NOL8: variants seen among roughly 807,000 people sequenced by gnomAD.
The protein encoded by NOL8 is nucleolar protein Nop132.
NOL8 carries 93 observed loss-of-function variants against 116.1 expected under a neutral mutation model. The ratio of observed to expected loss-of-function variants is 0.80; its 90% CI spans 0.68 to 0.95. The LOEUF (loss-of-function observed/expected upper bound fraction) is 0.95, where lower values mean the gene tolerates loss of function less well. NOL8 is among the 40% of genes least tolerant of loss of function. The pLI is 0.00. For missense variants in NOL8, 1,291 were observed against 1,382.8 expected, an observed-to-expected ratio of 0.93 and a Z score of 1.05; for synonymous variants, 419 against 469.0, an observed-to-expected ratio of 0.89 and a Z score of 1.38.
At chr9:92,310,959 G>T in intron 8 of NOL8, 187 bp downstream of exon 8, 1 of 585,386 alleles carries the variant, frequency 1.7e-6, no homozygotes, top group Non-Finnish European at 3.0e-6. Flanking sequence ...TGCTGCAGAT[G>T]TTGTGGAGAA....
At chr9:92,323,379 T>A in intron 3 of NOL8, 62 bp downstream of exon 3, 1 of 1,543,270 alleles carries the variant, frequency 6.5e-7, no homozygotes, top group South Asian at 1.2e-5. Context: ...TAGAACCAGT[T>A]ATTCCAAGTT....
At chr9:92,317,453 T>A (rs1229998072) in intron 6 of NOL8, among the ~76,000 whole-genome samples, 1 of 152,138 alleles carries the variant, frequency 6.6e-6, no homozygotes, top group Non-Finnish European at 1.5e-5. Flanking sequence ...TTTGAGCCAC[T>A]TGTAGGGAGG....
rs538984947 is a variant in NOL8 at position 92,317,800 on chromosome 9, C to A, written c.486+818G>T. Among the ~76,000 whole-genome samples, 9 of 151,972 alleles carry A rather than the reference C, an allele frequency of 5.9e-5. No homozygotes were observed. In the South Asian group the frequency reaches 1.9e-3, roughly 32 times the overall value. ...CTGTAATCCCAGCTCTTTGGGAGGCCAAGGTGGGCAGATCACAAGGTTAGG... is the reference window on the plus strand; with the variant it reads ...CTGTAATCCCAGCTCTTTGGGAGGCAAAGGTGGGCAGATCACAAGGTTAGG... On this transcript the variant is annotated intron_variant, in intron 6 of 16. Transcript: ENST00000442668.
Position 92,310,450 on chromosome 9 carries a change from G to A in NOL8, c.2595+103C>T, listed in dbSNP as rs979233659. 2.5e-5 allele frequency: 34 copies of A among 1,339,468 alleles called. No individual in the cohort carries two copies. In the Admixed American group the frequency reaches 3.9e-4, roughly 15 times the overall value. The allele number at this position is 1,339,468 out of a possible 1,614,324, so 83.0% of individuals were successfully genotyped here. A position where few individuals can be genotyped will look rare whatever the true frequency, so the allele number is the denominator to read the frequency against. On this transcript the variant is annotated intron_variant, in intron 9 of 16. Transcript: ENST00000442668. Reference sequence around the variant, plus strand: ...TCACTCTCCAAATAAACACCCCGATGCTATAATGTAGGTTAAGGTCTGCCT... The same window carrying A: ...TCACTCTCCAAATAAACACCCCGATACTATAATGTAGGTTAAGGTCTGCCT...
intron 4 of NOL8, among the ~76,000 whole-genome samples, 185 bp downstream of exon 4, chr9:92,321,483 T>C (rs1242951536): frequency 6.6e-6 from 1 of 152,210 alleles, no homozygotes; most frequent in Non-Finnish European, 1.5e-5. Flanking sequence ...CGTAAATGCA[T>C]GAAATTATCC....
rs753709833 is a variant in NOL8 at position 92,314,800 on chromosome 9, T to C, written c.1825A>G (p.Ser609Gly). 1.1e-5 allele frequency: 17 copies of C among 1,613,686 alleles called. No individual in the cohort carries two copies. The highest frequency in any genetic ancestry group is 1.4e-5 in the Non-Finnish European group (17 of 1,179,796). The change falls in exon 7 of 17, where the codon AGT (serine) becomes GGT (glycine). Residue 609 changes from serine to glycine, a missense_variant. By Grantham distance (56) the Ser-to-Gly change is moderately conservative. Coordinates refer to ENST00000442668, the MANE Select transcript of NOL8 (RefSeq NM_017948.6). The part of the protein sequence containing the change: ...DQNSMKHEDP[S>G]IISMEDGSPY... ...GACCCATCTTCCATGGATATGATAC[T>C]GGGATCCTCATGTTTCATGGAATTC...
In NOL8 at chr9:92,315,345, A is replaced by T. The variant is rs994702552; in HGVS notation, c.1280T>A (p.Leu427Gln). The T allele has an allele frequency of 6.2e-7, 1 of 1,611,820 alleles. No individual in the cohort carries two copies. The highest frequency in any genetic ancestry group is 8.5e-7 in the Non-Finnish European group (1 of 1,178,804). ...CTCTACATTGCTTTTTCTTTTTTGTAGTTTAATACAGTGATCAGAAAGCTC... is the reference window on the plus strand; with the variant it reads ...CTCTACATTGCTTTTTCTTTTTTGTTGTTTAATACAGTGATCAGAAAGCTC... The part of the protein sequence containing the change: ...NCELSDHCIK[L>Q]QKRKSNVESA... The change falls in exon 7 of 17, where the codon CTA (leucine) becomes CAA (glutamine). Residue 427 changes from leucine (L) to glutamine (Q), a missense_variant. By Grantham distance (113) the Leu-to-Gln change is moderately radical (BLOSUM62 -2). Transcript: ENST00000442668.
intron 15 of NOL8, 49 bp from the exon 16 acceptor site, chr9:92,298,385 T>C (rs772341519): frequency 7.6e-6 from 9 of 1,190,946 alleles, no homozygotes; most frequent in Non-Finnish European, 1.1e-5. Flanking sequence ...ACTACTAAAA[T>C]TGGTAATATT....
Position 92,315,393 on chromosome 9 carries a change from G to C in NOL8, c.1232C>G (p.Ser411Cys). The C allele has an allele frequency of 6.3e-7, 1 of 1,596,848 alleles. No individual in the cohort carries two copies. Among genetic ancestry groups the C allele is most frequent in the Non-Finnish European group, 8.5e-7 (1 of 1,170,272 alleles). ...CTCACAGTTTTCTCTATTTTTGAAA[G>C]AAGTTTTCTTCGTAGATTTTTCCAT... is the stretch of plus-strand genomic sequence containing the variant. ...SQMEKSTKKT[S>C]FKNRENCELS... is the part of the protein sequence containing the mutation. The change falls in exon 7 of 17, where the codon TCT becomes TGT. Residue 411 changes from serine to cysteine, a missense_variant. Physicochemically the swap from Ser to Cys is moderately radical, Grantham distance 112. Transcript: ENST00000442668.
rs370974372 is a variant in NOL8, at chr9:92,319,363, C to A, written c.282-7G>T. ...TTCTCTCTCTTGGGCCAATCTGAAT[C>A]AAAAAGAAAATACAAATAAAAGAGT... On this transcript the variant is annotated splice_region_variant and splice_polypyrimidine_tract_variant and intron_variant, in intron 4 of 16. Transcript: ENST00000442668. 1.3e-4 allele frequency: 192 copies of A among 1,532,658 alleles called. No homozygotes were observed. The highest frequency in any genetic ancestry group is 3.5e-4 in the Middle Eastern group (2 of 5,752). 94.9% of individuals were successfully genotyped at this position (1,532,658 alleles called of 1,614,324 possible).
intron 1 of NOL8, 74 bp from the exon 2 acceptor site, chr9:92,324,283 T>G (rs1343357423): frequency 1.8e-6 from 2 of 1,139,284 alleles, no homozygotes; most frequent in South Asian, 3.3e-5. Flanking sequence ...CTGAACCTTC[T>G]GTATCAAATC....
intron 12 of NOL8, among the ~76,000 whole-genome samples, chr9:92,305,178 T>C (rs1341412381): frequency 6.6e-6 from 1 of 152,104 alleles, no homozygotes; most frequent in African/African-American, 2.4e-5. Context: ...ATTATCCAAG[T>C]GGGCCCTGAA....
At chr9:92,319,800 C>T (rs1839767244) in intron 4 of NOL8, 5 of 325,714 alleles carry the variant, frequency 1.5e-5, no homozygotes, top group Non-Finnish European at 2.4e-5. Flanking sequence ...CAGTCCCTTA[C>T]CACCAGCAAC....
At chr9:92,310,446 CGATGCTATAATGTA>C in intron 9 of NOL8, 93 bp downstream of exon 9, 2 of 1,330,786 alleles carry the variant, frequency 1.5e-6, no homozygotes, top group East Asian at 2.3e-5. Flanking sequence ...ATAAACACCC[CGATGCTATAATGTA>C]GGTTAAGGTC....
intron 10 of NOL8, among the ~76,000 whole-genome samples, chr9:92,308,193 C>T (rs180856568): frequency 4.5e-4 from 68 of 151,912 alleles, no homozygotes; most frequent in Non-Finnish European, 3.7e-4. Context: ...GTTTGAGACC[C>T]GCCTAGGCAA....
rs776766214 is a variant in NOL8, at chr9:92,315,019, G to A, written c.1606C>T (p.Arg536Ter). Reference protein sequence around the residue: ...PKTPTGLRRGRQCIRPAEIVA... With the variant: ...PKTPTGLRRG ...ATCTCCGCAGGACGAATACACTGTC[G>A]GCCTCTGCGGAGGCCAGTGGGAGTC... Residue 536 changes from arginine (R) to a stop codon, truncating the protein, a stop_gained, in exon 7 of 17, where the codon CGA (arginine) becomes TGA (stop). Transcript: ENST00000442668. LOFTEE classifies it high-confidence loss of function. 4 of 1,613,916 alleles carry A rather than the reference G, an allele frequency of 2.5e-6. No individual in the cohort carries two copies. The Admixed American group carries it at 5.0e-5, about 20-fold the overall frequency.
At chr9:92,318,855 GA>G (rs989100264) in intron 5 of NOL8, 169 bp from the exon 6 acceptor site, 64 of 537,056 alleles carry the variant, frequency 1.2e-4, no homozygotes, top group Non-Finnish European at 1.7e-4. Flanking sequence ...TGAGAGGAAA[GA>G]AAAAAAAAGG....
intron 3 of NOL8, chr9:92,322,964 T>C (rs1330450063): frequency 6.4e-6 from 1 of 155,500 alleles, no homozygotes; most frequent in East Asian, 1.9e-4. Flanking sequence ...GTATGGATTA[T>C]CTCCCATTCT....
chr9:92,309,208 C>T (rs1301182087), intron 10 of NOL8, among the ~76,000 whole-genome samples: 1 of 152,168 alleles, frequency 6.6e-6, no homozygotes, highest in African/African-American at 2.4e-5. Context: ...ATAATCACCT[C>T]AAAGAATTGA....
Sources: allele counts gnomAD v4.1 joint callset (sites outside exome capture counted in the v4.1 genomes callset), GRCh38; gene constraint gnomAD v4.1.1; transcripts MANE v1.5; gene names NCBI Gene and HGNC (gene_info 2026-07-23, HGNC 2026-07-21).